The following BTN3A3 variants were observed in gnomAD, a reference collection of about 807,000 sequenced individuals.
BTN3A3 encodes butyrophilin subfamily 3 member A3.
A neutral mutation model predicts 43.2 loss-of-function variants in BTN3A3; 39 were observed. The observed-to-expected ratio is 0.90, with a 90% CI of 0.70 to 1.18. The LOEUF is 1.18. Among genes scored for constraint, BTN3A3 ranks in the 50% most tolerant of loss-of-function variants. The pLI is 0.00. For missense variants in BTN3A3, 631 were observed against 722.8 expected (o/e 0.87, Z 1.46); for synonymous variants, 255 against 272.7 (o/e 0.93, Z 0.64).
chr6:26,442,318 A>C (rs559319270), intron 1 of BTN3A3, among the ~76,000 whole-genome samples: 1 of 152,324 alleles, frequency 6.6e-6, no homozygotes, highest in South Asian at 2.1e-4. Flanking sequence ...ATACATGAAA[A>C]ATCTTAAATT....
At chr6:26,451,652 A>T (rs1762932868) in intron 10 of BTN3A3, 23 bp from the exon 11 acceptor site, 7 of 1,592,302 alleles carry the variant, frequency 4.4e-6, no homozygotes, top group Non-Finnish European at 6.0e-6. Context: ...GACCCCATGG[A>T]CACCTCCTCA....
intron 1 of BTN3A3, among the ~76,000 whole-genome samples, chr6:26,441,810 CA>C (rs1762643787): frequency 6.6e-6 from 1 of 152,142 alleles, no homozygotes; most frequent in South Asian, 2.1e-4. Flanking sequence ...AGATTGCAGG[CA>C]TGAGCCACTG....
rs1395747495 is a variant in BTN3A3 at position 26,451,714 on chromosome 6, T to A, written c.1058T>A (p.Leu353His). 6.2e-7 allele frequency: 1 copy of A among 1,614,088 alleles called. No individual in the cohort carries two copies. The highest frequency in any genetic ancestry group is 8.5e-7 in the Non-Finnish European group (1 of 1,179,974). The change falls in exon 11 of 11, where the codon CTC (leucine) becomes CAC (histidine). Residue 353 changes from leucine to histidine, a missense_variant. Physicochemically the swap from Leu to His is moderately conservative, Grantham distance 99. Around this residue, in one of 2 missense-constraint regions of BTN3A3, gnomAD observed 551 missense variants for 584.0 expected, o/e 0.94. Coordinates refer to ENST00000244519, the MANE Select transcript of BTN3A3 (RefSeq NM_006994.5). The stretch of plus-strand genomic sequence containing the variant: ...GATCCAGACACGGCAAACGCCATCC[T>A]CCTTGTTTCTGAGGACCAGAGGAGT... Reference protein sequence around the residue: ...ILDPDTANAILLVSEDQRSVQ... With the variant: ...ILDPDTANAIHLVSEDQRSVQ...
Position 26,449,783 on chromosome 6 carries a change from A to G in BTN3A3, c.991+95A>G, listed in dbSNP as rs1235020848. The G allele has an allele frequency of 4.1e-6, 6 of 1,477,742 alleles. No homozygotes were observed. The African/African-American group carries it at 8.3e-5, about 21-fold the overall frequency. The allele number at this position is 1,477,742 out of a possible 1,614,324, so 91.5% of individuals were successfully genotyped here. ...GTGACCCATTGACGTTCTCAGTTGG[A>G]TTAATCAGATCTAACCCTTAGACTC... On this transcript the variant is annotated intron_variant, in intron 9 of 10. Transcript: ENST00000244519.
intron 9 of BTN3A3, 98 bp downstream of exon 9, chr6:26,449,786 A>C (rs1762879073): frequency 4.1e-6 from 6 of 1,450,528 alleles, no homozygotes; most frequent in Admixed American, 1.7e-5. Context: ...CAGTTGGATT[A>C]ATCAGATCTA....
intron 9 of BTN3A3, 55 bp from the exon 10 acceptor site, chr6:26,450,052 G>A: frequency 1.3e-6 from 2 of 1,566,778 alleles, no homozygotes; most frequent in Non-Finnish European, 1.8e-6. Flanking sequence ...AGAATGGAGT[G>A]GAGAAAAGAA....
intron 1 of BTN3A3, among the ~76,000 whole-genome samples, chr6:26,442,733 G>A (rs575649514): frequency 7.2e-5 from 11 of 152,326 alleles, no homozygotes; most frequent in African/African-American, 2.6e-4. Context: ...ACTCATGCAA[G>A]TACTTTGCTA....
chr6:26,445,810 C>A lies in BTN3A3; in HGVS notation c.540C>A (p.Ser180Arg). Residue 180 changes from serine (S) to arginine (R), a missense_variant, in exon 5 of 11, where the codon AGC (serine) becomes AGA (arginine). This residue lies in a region of BTN3A3 where 551 missense variants were observed against 584.0 expected (regional missense o/e 0.94). Coordinates refer to ENST00000244519, the MANE Select transcript of BTN3A3 (RefSeq NM_006994.5). ...GWYPQPQIKW[S>R]DTKGENIPAV... is the part of the protein sequence containing the mutation. ...ACCCCCAACCCCAAATAAAGTGGAG[C>A]GACACCAAGGGAGAGAACATCCCGG... The A allele has an allele frequency of 6.2e-7, 1 of 1,614,096 alleles. No homozygotes were observed. Among genetic ancestry groups the A allele is most frequent in the Non-Finnish European group, 8.5e-7 (1 of 1,180,032 alleles).
At chr6:26,445,315 G>A (rs1004231260) in intron 4 of BTN3A3, 7 of 218,776 alleles carry the variant, frequency 3.2e-5, no homozygotes, top group African/African-American at 1.6e-4. Context: ...AGCAGACAAT[G>A]GTAGGAAGAA....
chr6:26,450,163 C>A lies in BTN3A3; in HGVS notation c.1018+30C>A, dbSNP rs370484047. On this transcript the variant is annotated intron_variant, in intron 10 of 10. Transcript: ENST00000244519. ...GTAAATCACTGTATGTTCCCTGGAT[C>A]AACAACCTGAGGGACTATATTCCTT... 1.5e-5 allele frequency: 24 copies of A among 1,607,766 alleles called. No homozygotes were observed. The Admixed American group carries it at 1.7e-4, about 11-fold the overall frequency.
At chr6:26,448,562 C>T (rs1412833645) in intron 6 of BTN3A3, 55 bp from the exon 7 acceptor site, 1 of 1,612,078 alleles carries the variant, frequency 6.2e-7, no homozygotes, top group African/African-American at 1.3e-5. Context: ...TTTCCCAAAA[C>T]CCCCCTTACC....
chr6:26,448,757 G>C lies in BTN3A3; in HGVS notation c.964+3G>C, dbSNP rs773741174. The C allele has an allele frequency of 1.4e-5, 23 of 1,613,628 alleles. No individual in the cohort carries two copies. The highest frequency in any genetic ancestry group is 1.6e-4 in the Middle Eastern group (1 of 6,084). On this transcript the variant is annotated splice_donor_region_variant and intron_variant, in intron 8 of 10. Coordinates refer to ENST00000244519, the MANE Select transcript of BTN3A3 (RefSeq NM_006994.5). ...GAGGAAAATCCAGTACATGGCTCGT[G>C]AGTGACTCTGACATTTTCTCTGAAT...
rs1288758788 is a variant in BTN3A3 at position 26,452,378 on chromosome 6, T to TA, written c.1724dup (p.Leu576AlafsTer6). On this transcript the variant is annotated frameshift_variant, in exon 11 of 11. Transcript: ENST00000244519. LOFTEE classifies it high-confidence loss of function. ...CTTCTGCAACAACCAATCAGAACCA[T>TA]AAGCTACAGGCACGCACTGAAGCAC... The TA allele has an allele frequency of 1.2e-6, 2 of 1,606,656 alleles. No individual in the cohort carries two copies. Among genetic ancestry groups the TA allele is most frequent in the African/African-American group, 1.3e-5 (1 of 74,930 alleles).
chr6:26,444,064 C>G lies in BTN3A3; in HGVS notation c.193C>G (p.Leu65Val), dbSNP rs1213056215. Residue 65 changes from leucine to valine, a missense_variant, in exon 4 of 11, where the codon CTG becomes GTG. Physicochemically the swap from Leu to Val is conservative, Grantham distance 32. Transcript: ENST00000244519. ...GACCATGAGTGCAGAGACCATGGAG[C>G]TGAGGTGGGTGAGTTCCAGCCTAAG... ...FPTMSAETME[L>V]RWVSSSLRQV... 1.9e-6 allele frequency: 3 copies of G among 1,613,878 alleles called. No individual in the cohort carries two copies. The highest frequency in any genetic ancestry group is 2.5e-6 in the Non-Finnish European group (3 of 1,179,876).
chr6:26,451,243 C>T (rs904810395), intron 10 of BTN3A3, among the ~76,000 whole-genome samples: 3 of 152,108 alleles, frequency 2.0e-5, no homozygotes, highest in Admixed American at 6.5e-5. Context: ...TGACAAAATG[C>T]TTCAGATGAG....
Position 26,451,919 on chromosome 6 carries a change from T to C in BTN3A3, c.1263T>C (p.Gly421=), listed in dbSNP as rs367714257. 2 of 1,613,896 alleles carry C rather than the reference T, an allele frequency of 1.2e-6. No individual in the cohort carries two copies. Among genetic ancestry groups the C allele is most frequent in the Admixed American group, 1.7e-5 (1 of 59,988 alleles). Residue 421 remains glycine, a synonymous_variant, in exon 11 of 11, where the codon GGT becomes GGC. Coordinates refer to ENST00000244519, the MANE Select transcript of BTN3A3 (RefSeq NM_006994.5). ...GTAAGAACGTGGAGAGGAAAAAAGG[T>C]TGGGTCAAAATGACACCGGAGAACG... ...VCSKNVERKK[G]WVKMTPENGY... is the part of the protein sequence containing the mutation.
intron 5 of BTN3A3, 125 bp from the exon 6 acceptor site, chr6:26,448,123 C>A: frequency 8.9e-7 from 1 of 1,121,270 alleles, no homozygotes. Flanking sequence ...GGACAGAACG[C>A]TTATTTAACC....
rs770558882 is a variant in BTN3A3, at chr6:26,451,840, A to T, written c.1184A>T (p.His395Leu). The T allele has an allele frequency of 1.2e-6, 2 of 1,614,216 alleles. No homozygotes were observed. Among genetic ancestry groups the T allele is most frequent in the South Asian group, 2.2e-5 (2 of 91,084 alleles). ...LGCENFTSGR[H>L]YWEVEVGDRK... is the part of the protein sequence containing the mutation. ...TGTGAAAACTTCACATCAGGGAGAC[A>T]TTACTGGGAGGTGGAAGTGGGGGAC... The change falls in exon 11 of 11, where the codon CAT becomes CTT. Residue 395 changes from histidine to leucine, a missense_variant. His to Leu is a moderately conservative substitution (Grantham distance 99). Coordinates refer to ENST00000244519, the MANE Select transcript of BTN3A3 (RefSeq NM_006994.5).
Position 26,445,726 on chromosome 6 carries a change from T to G in BTN3A3, c.456T>G (p.Ile152Met). ...CAGCATTGGGTTCTGATCTTCACAT[T>G]GAAGTGAAGGGTTATGAGGATGGAG... ...KVAALGSDLH[I>M]EVKGYEDGGI... is the part of the protein sequence containing the mutation. Residue 152 changes from isoleucine (I) to methionine (M), a missense_variant, in exon 5 of 11, where the codon ATT (isoleucine) becomes ATG (methionine). Physicochemically the swap from Ile to Met is conservative, Grantham distance 10. This residue lies in a region of BTN3A3 where 551 missense variants were observed against 584.0 expected (regional missense o/e 0.94). Transcript: ENST00000244519. 1 of 1,614,062 alleles carries G rather than the reference T, an allele frequency of 6.2e-7. No homozygotes were observed. Among genetic ancestry groups the G allele is most frequent in the Non-Finnish European group, 8.5e-7 (1 of 1,179,990 alleles).
Sources: gnomAD v4.1 joint callset for allele counts (sites outside exome capture counted in the v4.1 genomes callset) on GRCh38, gnomAD v4.1.1 for gene constraint, gnomAD v4.1.1 regional missense constraint, MANE v1.5 for transcripts, NCBI Gene and HGNC (gene_info 2026-07-23, HGNC 2026-07-21) for gene names.